RCOR2: variants seen among roughly 807,000 people sequenced by gnomAD.
RCOR2 encodes REST corepressor 2.
RCOR2 carries 19 observed loss-of-function variants against 58.9 expected under a neutral mutation model. The observed-to-expected ratio is 0.32, with a 90% CI of 0.23 to 0.47. The LOEUF is 0.47. Ranked by LOEUF, RCOR2 falls within the 20% of genes least tolerant of loss-of-function variation. The probability of loss-of-function intolerance (pLI) is 1.00; values close to 1 mark genes in which losing one functional copy is unlikely to be tolerated. For missense variants in RCOR2, 590 were observed against 707.9 expected (o/e 0.83, Z 1.89); for synonymous variants, 286 against 278.7 (o/e 1.03, Z -0.26).
the RCOR2 span, among the ~76,000 whole-genome samples, chr11:63,924,614 T>C: frequency 4.6e-5 from 7 of 152,156 alleles, no homozygotes; most frequent in Admixed American, 3.3e-4. Flanking sequence ...CCACTGCCCC[T>C]CCTGGCCTTC....
the RCOR2 span, among the ~76,000 whole-genome samples, chr11:63,927,703 G>A: frequency 7.0e-6 from 1 of 141,884 alleles, no homozygotes; most frequent in Non-Finnish European, 1.5e-5. Flanking sequence ...GGGAGAATCA[G>A]CCTCAGGTGT....
rs1233689756 is a variant in RCOR2 at position 63,913,161 on chromosome 11, T to TA, written c.892-215_892-214insT. Among the ~76,000 whole-genome samples the TA allele has an allele frequency of 7.9e-3, 472 of 59,652 alleles. 4 individuals are homozygous for TA. Among genetic ancestry groups the TA allele is most frequent in the South Asian group, 0.034 (58 of 1,718 alleles). The allele number at this position is 59,652 out of a possible 152,430, so 39.1% of individuals were successfully genotyped here. On this transcript the variant is annotated intron_variant, in intron 8 of 11. Transcript: ENST00000301459. Reference sequence around the variant, plus strand: ...TGCAGACCAGTTTATATTTTTATTTTTTATATATATATATATATATATATT... The same window carrying TA: ...TGCAGACCAGTTTATATTTTTATTTTATTATATATATATATATATATATATT...
At chr11:63,913,751 G>C (rs1941814112) in intron 8 of RCOR2, among the ~76,000 whole-genome samples, 1 of 152,188 alleles carries the variant, frequency 6.6e-6, no homozygotes, top group South Asian at 2.1e-4. Context: ...CGGAATGCCT[G>C]GATTACAGGC....
At position 63,914,962 on chromosome 11, in the gene RCOR2, G is replaced by A. The variant is rs1405608464; in HGVS notation, c.266-8C>T. ...TCGCAATGTACTTGTCAACTGCAGG[G>A]GCAGCAGGGGCAGGGTCTTGGTGAA... On this transcript the variant is annotated splice_polypyrimidine_tract_variant and splice_region_variant and intron_variant, in intron 3 of 11. Coordinates refer to ENST00000301459, the MANE Select transcript of RCOR2 (RefSeq NM_173587.4). 6.2e-7 allele frequency: 1 copy of A among 1,613,748 alleles called. No individual in the cohort carries two copies. The highest frequency in any genetic ancestry group is 8.5e-7 in the Non-Finnish European group (1 of 1,179,996).
intron 1 of RCOR2, among the ~76,000 whole-genome samples, chr11:63,916,041 T>A (rs1278539906): frequency 2.0e-5 from 3 of 152,042 alleles, no homozygotes; most frequent in African/African-American, 7.2e-5. Flanking sequence ...CCCTGCAAGG[T>A]GGCAAGGTAT....
chr11:63,920,335 G>A (rs1675844982), upstream of RCOR2, among the ~76,000 whole-genome samples: 1 of 152,264 alleles, frequency 6.6e-6, no homozygotes, highest in African/African-American at 2.4e-5. Context: ...GGGAAAAGGA[G>A]GGTGACCTTG....
rs1429175568 is a variant in RCOR2, at chr11:63,917,004, G to A, written c.-548C>T. Among the ~76,000 whole-genome samples, 3 of 146,834 alleles carry A rather than the reference G, an allele frequency of 2.0e-5. No homozygotes were observed. The East Asian group carries it at 5.9e-4, about 29-fold the overall frequency. ...GCGGCGGCGACGGCGGCGGGACGGCGCGCACGGCGCGCGGCGCTGGGCAGA... is the reference window on the plus strand; with the variant it reads ...GCGGCGGCGACGGCGGCGGGACGGCACGCACGGCGCGCGGCGCTGGGCAGA... On this transcript the variant is annotated 5_prime_UTR_variant, in exon 1 of 12. Transcript: ENST00000301459.
At chr11:63,918,093 G>T (rs1941886334), upstream of RCOR2, among the ~76,000 whole-genome samples, 1 of 151,950 alleles carries the variant, frequency 6.6e-6, no homozygotes, top group Admixed American at 6.5e-5. Context: ...ACGTGCTGCA[G>T]CGCACACAAG....
rs1941767922 is a variant in RCOR2, at chr11:63,911,948, G to T, written c.1489C>A (p.Pro497Thr). 2.4e-5 allele frequency: 32 copies of T among 1,331,710 alleles called. No homozygotes were observed. The highest frequency in any genetic ancestry group is 3.1e-5 in the Non-Finnish European group (31 of 1,006,088). The allele number at this position is 1,331,710 out of a possible 1,614,324, so 82.5% of individuals were successfully genotyped here. ...GGGCCAGGGCGGGCGCTGTGGCGGG[G>T]GGCAGCCAGAGCGGGGCGGATGAGA... ...PPLIRPALAA[P>T]RHSARPGPQP... The change falls in exon 12 of 12, where the codon CCC (proline) becomes ACC (threonine). Residue 497 changes from proline (P) to threonine (T), a missense_variant. Coordinates refer to ENST00000301459, the MANE Select transcript of RCOR2 (RefSeq NM_173587.4).
intron 2 of RCOR2, 33 bp downstream of exon 2, chr11:63,915,522 C>G: frequency 6.5e-7 from 1 of 1,548,402 alleles, no homozygotes; most frequent in African/African-American, 1.4e-5. Flanking sequence ...GCCTCCACCC[C>G]CACCCCACTT....
the RCOR2 span, among the ~76,000 whole-genome samples, chr11:63,925,894 C>T: frequency 6.6e-6 from 1 of 151,812 alleles, no homozygotes; most frequent in Non-Finnish European, 1.5e-5. Flanking sequence ...CACTTGAAGT[C>T]ACTGAACCTC....
rs1227977068 is a variant in RCOR2, at chr11:63,917,109, C to T, written c.-653G>A. On this transcript the variant is annotated 5_prime_UTR_variant, in exon 1 of 12. Transcript: ENST00000301459. Reference sequence around the variant, plus strand: ...GCGCGCTCGCTCTCCCCGCCGCGCTCGGGATGCCGCTTGCTCGCCCGCTCT... The same window carrying T: ...GCGCGCTCGCTCTCCCCGCCGCGCTTGGGATGCCGCTTGCTCGCCCGCTCT... Among the ~76,000 whole-genome samples the T allele has an allele frequency of 1.3e-5, 2 of 151,538 alleles. No individual in the cohort carries two copies. The highest frequency in any genetic ancestry group is 3.0e-5 in the Non-Finnish European group (2 of 67,756).
chr11:63,913,253 C>T (rs1190037108), intron 8 of RCOR2, among the ~76,000 whole-genome samples: 5 of 138,350 alleles, frequency 3.6e-5, no homozygotes, highest in Admixed American at 3.0e-4. Context: ...ATGGCGCAAT[C>T]TCAGCTCACC....
In RCOR2 at chr11:63,915,160, G is replaced by T. The variant is rs1161362261; in HGVS notation, c.265+18C>A. 1.9e-6 allele frequency: 3 copies of T among 1,549,804 alleles called. No individual in the cohort carries two copies. The highest frequency in any genetic ancestry group is 2.7e-5 in the African/African-American group (2 of 73,116). ...GATGAACCCAAGCCCCCACCTCCCA[G>T]GGCTGTGCCCCACTCACGCTTGGCA... On this transcript the variant is annotated intron_variant, in intron 3 of 11. Transcript: ENST00000301459.
rs768434435 is a variant in RCOR2, at chr11:63,912,255, A to ACCTCG, written c.1257+45_1257+49dup. The ACCTCG allele has an allele frequency of 3.1e-5, 49 of 1,595,416 alleles. No individual in the cohort carries two copies. The East Asian group carries it at 5.8e-4, about 19-fold the overall frequency. ...AGTCTAAGGACCAAGGCGGCGCCTC[A>ACCTCG]CCTCGCCTCGCCTCTCCTCTCTGAG... is the stretch of plus-strand genomic sequence containing the variant. On this transcript the variant is annotated intron_variant, in intron 11 of 11. Coordinates refer to ENST00000301459, the MANE Select transcript of RCOR2 (RefSeq NM_173587.4).
chr11:63,913,001 T>C, intron 8 of RCOR2, 54 bp from the exon 9 acceptor site: 1 of 1,492,442 alleles, frequency 6.7e-7, no homozygotes, highest in Non-Finnish European at 9.2e-7. Flanking sequence ...GGCAGGCCAC[T>C]ATGCCCCTCA....
the RCOR2 span, among the ~76,000 whole-genome samples, chr11:63,924,065 C>T: frequency 3.9e-5 from 6 of 151,962 alleles, no homozygotes; most frequent in East Asian, 3.9e-4. Flanking sequence ...TGTGCTACCA[C>T]GCCCGGCTAA....
intron 9 of RCOR2, 57 bp from the exon 10 acceptor site, chr11:63,912,790 T>G: frequency 6.2e-7 from 1 of 1,608,036 alleles, no homozygotes; most frequent in Non-Finnish European, 8.5e-7. Context: ...ATGGAAGCCC[T>G]GCTCCCCAAG....
At chr11:63,926,883 G>A in the RCOR2 span, among the ~76,000 whole-genome samples, 237 of 149,266 alleles carry the variant, frequency 1.6e-3, 2 homozygotes, top group Middle Eastern at 0.011. Flanking sequence ...GTGCAGTGGC[G>A]CGATCTCGGC....
Sources: gnomAD v4.1 joint callset for allele counts (sites outside exome capture counted in the v4.1 genomes callset) on GRCh38, gnomAD v4.1.1 for gene constraint, MANE v1.5 for transcripts, NCBI Gene and HGNC (gene_info 2026-07-23, HGNC 2026-07-21) for gene names.